The following EIF4G3 variants were observed in gnomAD, a reference collection of about 807,000 sequenced individuals.
EIF4G3 encodes the protein eIF-4-gamma 3.
EIF4G3 carries 34 observed loss-of-function variants against 186.4 expected under a neutral mutation model. The observed-to-expected ratio is 0.18, with a 90% CI of 0.14 to 0.24. The LOEUF is 0.24. Ranked by LOEUF, EIF4G3 falls within the 10% of genes least tolerant of loss-of-function variation. EIF4G3 has a pLI of 1.00. For missense variants in EIF4G3, 1,536 were observed against 1,948.5 expected (o/e 0.79, Z 3.99); for synonymous variants, 673 against 679.5 (o/e 0.99, Z 0.15).
chr1:20,839,598 G>A (rs977873077), intron 30 of EIF4G3, among the ~76,000 whole-genome samples: 3 of 152,092 alleles, frequency 2.0e-5, no homozygotes, highest in Non-Finnish European at 2.9e-5. Context: ...GGGTTCAAGC[G>A]ATTCTTATGC....
chr1:21,017,224 ACT>A (rs1377648644), intron 4 of EIF4G3, among the ~76,000 whole-genome samples: 1 of 152,190 alleles, frequency 6.6e-6, no homozygotes, highest in Non-Finnish European at 1.5e-5. Context: ...GAAAACAAAT[ACT>A]GTTTGATTCC....
intron 2 of EIF4G3, among the ~76,000 whole-genome samples, chr1:21,141,276 A>G (rs1295972033): frequency 6.6e-6 from 1 of 152,186 alleles, no homozygotes; most frequent in East Asian, 1.9e-4. Context: ...GCCATGTTAC[A>G]GAAGAATCTA....
intron 28 of EIF4G3, among the ~76,000 whole-genome samples, chr1:20,850,332 A>G (rs1444564907): frequency 2.6e-5 from 4 of 152,200 alleles, no homozygotes; most frequent in African/African-American, 4.8e-5. Context: ...TTATATTTCA[A>G]AAGTATCTAG....
chr1:21,163,287 T>A (rs1343329142), intron 2 of EIF4G3, among the ~76,000 whole-genome samples: 1 of 152,210 alleles, frequency 6.6e-6, no homozygotes, highest in African/African-American at 2.4e-5. Flanking sequence ...TAAGCTAAGG[T>A]CAAGTGCTCT....
intron 13 of EIF4G3, among the ~76,000 whole-genome samples, chr1:20,943,974 T>TGTGTGTGTGTG (rs1558363606): frequency 6.4e-5 from 4 of 62,540 alleles, no homozygotes; most frequent in African/African-American, 2.2e-4. Context: ...TTTATTTTTT[T>TGTGTGTGTGTG]TGTGTGTGTG....
chr1:21,100,465 A>G (rs1424336149), intron 2 of EIF4G3, among the ~76,000 whole-genome samples: 1 of 152,230 alleles, frequency 6.6e-6, no homozygotes, highest in Non-Finnish European at 1.5e-5. Flanking sequence ...TGAGACAAGC[A>G]TCTTATCTGT....
intron 14 of EIF4G3, among the ~76,000 whole-genome samples, chr1:20,921,597 G>A (rs2094498102): frequency 6.6e-6 from 1 of 152,176 alleles, no homozygotes; most frequent in Admixed American, 6.5e-5. Context: ...CAAGATCTGA[G>A]CTGGTGATTC....
chr1:20,852,722 C>A (rs2073732590), intron 27 of EIF4G3, among the ~76,000 whole-genome samples: 1 of 152,096 alleles, frequency 6.6e-6, no homozygotes, highest in Non-Finnish European at 1.5e-5. Context: ...GAAGCAGAAC[C>A]ATTAGGGGAC....
In EIF4G3 at chr1:20,817,470, G is replaced by A. The variant is rs201775614; in HGVS notation, c.4437C>T (p.Ala1479=). The change falls in exon 34 of 37, where the codon GCC becomes GCT. Residue 1479 remains alanine (A), a synonymous_variant. Transcript: ENST00000602326. ...SEALSKKELS[A]EELYKRLEKL... is the part of the protein sequence containing the mutation. ...TCTCGAGTCGCTTATACAGCTCTTC[G>A]GCAGACAGTTCTTTCTTTGAAAGTG... 55 of 1,607,676 alleles carry A rather than the reference G, an allele frequency of 3.4e-5. No homozygotes were observed. The Middle Eastern group carries it at 6.6e-4, about 19-fold the overall frequency.
At chr1:20,987,742 C>A (rs1433610499) in intron 7 of EIF4G3, among the ~76,000 whole-genome samples, 1 of 152,102 alleles carries the variant, frequency 6.6e-6, no homozygotes, top group Non-Finnish European at 1.5e-5. Context: ...TCAGCAGACA[C>A]AATAATATTG....
At position 20,998,571 on chromosome 1, in the gene EIF4G3, T is replaced by C. The variant is rs1324879948; in HGVS notation, c.145-938A>G. ...AGAAAATAAAAAGTTTTTTCACCTATGCAAATTTTAACTGCTAAACCTCTA... is the reference window on the plus strand; with the variant it reads ...AGAAAATAAAAAGTTTTTTCACCTACGCAAATTTTAACTGCTAAACCTCTA... On this transcript the variant is annotated intron_variant, in intron 6 of 36. Coordinates refer to ENST00000602326, the MANE Select transcript of EIF4G3 (RefSeq NM_001391906.1). Among the ~76,000 whole-genome samples the C allele has an allele frequency of 2.6e-5, 4 of 152,150 alleles. No individual in the cohort carries two copies. The East Asian group carries it at 7.7e-4, about 29-fold the overall frequency.
At chr1:21,050,737 T>C (rs545558207) in intron 4 of EIF4G3, 129 bp downstream of exon 4, 4 of 588,122 alleles carry the variant, frequency 6.8e-6, no homozygotes, top group South Asian at 4.1e-5. Context: ...TCTGAAAAGA[T>C]GCCAAAGACA....
intron 20 of EIF4G3, among the ~76,000 whole-genome samples, chr1:20,867,468 C>T (rs2077829376): frequency 1.3e-5 from 2 of 152,160 alleles, no homozygotes; most frequent in African/African-American, 4.8e-5. Context: ...CCAGCTCTGC[C>T]ATGTGACTTT....
chr1:20,901,927 A>G (rs767919101), intron 15 of EIF4G3, among the ~76,000 whole-genome samples: 33 of 152,194 alleles, frequency 2.2e-4, no homozygotes, highest in Non-Finnish European at 4.6e-4. Flanking sequence ...ATGTTTTTTA[A>G]AAGTGCTAGA....
rs1455113583 is a variant in EIF4G3 at position 21,159,636 on chromosome 1, A to G, written c.-272+16539T>C. ...ACGCCTGTAATTCCAACTGCTTGGG[A>G]GGCTAAGGCAGGAGAATTGTTTGAA... is the stretch of plus-strand genomic sequence containing the variant. On this transcript the variant is annotated intron_variant, in intron 2 of 36. Transcript: ENST00000602326. Among the ~76,000 whole-genome samples the G allele has an allele frequency of 2.6e-5, 4 of 152,036 alleles. No homozygotes were observed. In the South Asian group the frequency reaches 6.2e-4, roughly 24 times the overall value.
chr1:21,148,535 T>C (rs1050918934), intron 2 of EIF4G3, among the ~76,000 whole-genome samples: 2 of 151,796 alleles, frequency 1.3e-5, no homozygotes, highest in African/African-American at 4.8e-5. Flanking sequence ...ACCCCATCTC[T>C]ACTAAAAATG....
chr1:21,106,479 G>C (rs1460759432), intron 2 of EIF4G3, among the ~76,000 whole-genome samples: 1 of 152,108 alleles, frequency 6.6e-6, no homozygotes, highest in Non-Finnish European at 1.5e-5. Context: ...TACAGATAGT[G>C]TATCTTGAGT....
At chr1:21,067,949 A>C (rs2095307569) in intron 3 of EIF4G3, among the ~76,000 whole-genome samples, 1 of 152,016 alleles carries the variant, frequency 6.6e-6, no homozygotes, top group Non-Finnish European at 1.5e-5. Flanking sequence ...AAAATAAAAT[A>C]AAAAAAGAAA....
At chr1:21,149,153 TAC>T (rs1241388273) in intron 2 of EIF4G3, among the ~76,000 whole-genome samples, 2 of 151,720 alleles carry the variant, frequency 1.3e-5, no homozygotes, top group Non-Finnish European at 2.9e-5. Flanking sequence ...GGAAAAATAA[TAC>T]AAAGTTACAT....
Sources: allele counts gnomAD v4.1 joint callset (sites outside exome capture counted in the v4.1 genomes callset), GRCh38; gene constraint gnomAD v4.1.1; transcripts MANE v1.5; gene names NCBI Gene and HGNC (gene_info 2026-07-23, HGNC 2026-07-21).